The following FNDC3B variants were observed in gnomAD, a reference collection of about 807,000 sequenced individuals.
FNDC3B encodes fibronectin type III domain containing 3B.
A neutral mutation model predicts 151.5 loss-of-function variants in FNDC3B; 12 were observed. That is an observed-to-expected ratio of 0.08 (90% CI 0.05 to 0.13). The LOEUF (loss-of-function observed/expected upper bound fraction) is 0.13. Ranked by LOEUF, FNDC3B falls within the 10% of genes least tolerant of loss-of-function variation. The pLI, the probability that FNDC3B is intolerant of heterozygous loss-of-function variation, is 1.00. For missense variants in FNDC3B, 1,214 were observed against 1,505.3 expected (o/e 0.81, Z 3.20); for synonymous variants, 528 against 549.0 (o/e 0.96, Z 0.54).
chr3:172,196,329 C>A (rs1036762703), intron 3 of FNDC3B, among the ~76,000 whole-genome samples: 1 of 151,908 alleles, frequency 6.6e-6, no homozygotes, highest in Non-Finnish European at 1.5e-5. Context: ...CCTGAGACTA[C>A]AGGTGCCTAC....
chr3:172,084,470 T>TACACACAC (rs774135456), intron 1 of FNDC3B, among the ~76,000 whole-genome samples: 785 of 46,586 alleles, frequency 0.017, 6 homozygotes, highest in Non-Finnish European at 0.025. Context: ...TATGTATATG[T>TACACACAC]ATACACACAC....
At chr3:172,058,848 A>G (rs1444020540) in intron 1 of FNDC3B, among the ~76,000 whole-genome samples, 1 of 152,210 alleles carries the variant, frequency 6.6e-6, no homozygotes, top group Non-Finnish European at 1.5e-5. Flanking sequence ...GACTGTACAT[A>G]TAGAGCTTCT....
At chr3:172,276,291 A>G (rs1213691520) in intron 6 of FNDC3B, among the ~76,000 whole-genome samples, 2 of 152,202 alleles carry the variant, frequency 1.3e-5, no homozygotes, top group Non-Finnish European at 2.9e-5. Flanking sequence ...GTCACAAGGA[A>G]GTGGACAAAG....
chr3:172,328,599 C>T (rs1732472974), intron 11 of FNDC3B, among the ~76,000 whole-genome samples: 1 of 152,088 alleles, frequency 6.6e-6, no homozygotes, highest in Admixed American at 6.5e-5. Context: ...GCAGTTTGGG[C>T]CAATCTAAGT....
chr3:172,047,967 G>C (rs140803268), intron 1 of FNDC3B, among the ~76,000 whole-genome samples: 3 of 152,232 alleles, frequency 2.0e-5, no homozygotes, highest in African/African-American at 7.2e-5. Context: ...GCAAGATTGT[G>C]GAGAGTCCTG....
chr3:172,308,166 A>G (rs1006224187), intron 10 of FNDC3B, among the ~76,000 whole-genome samples: 7 of 152,228 alleles, frequency 4.6e-5, no homozygotes, highest in Admixed American at 1.3e-4. Context: ...TACTTAGGCC[A>G]TACACCAGTC....
chr3:172,323,973 A>T (rs568569799), intron 11 of FNDC3B, among the ~76,000 whole-genome samples: 23 of 152,256 alleles, frequency 1.5e-4, no homozygotes, highest in African/African-American at 5.5e-4. Context: ...TTCCTTTAGT[A>T]TGTGAATCTT....
At chr3:172,127,453 C>T (rs936410363) in intron 2 of FNDC3B, among the ~76,000 whole-genome samples, 1 of 152,124 alleles carries the variant, frequency 6.6e-6, no homozygotes, top group Non-Finnish European at 1.5e-5. Context: ...GGAAAAGTTG[C>T]TTGTCTTCTT....
chr3:172,207,855 G>A (rs1035524095), intron 3 of FNDC3B, among the ~76,000 whole-genome samples: 1 of 152,206 alleles, frequency 6.6e-6, no homozygotes, highest in Non-Finnish European at 1.5e-5. Flanking sequence ...GCTGAGGCAG[G>A]AGAATCACTT....
intron 6 of FNDC3B, among the ~76,000 whole-genome samples, chr3:172,277,484 C>T (rs1729491889): frequency 6.6e-6 from 1 of 152,114 alleles, no homozygotes; most frequent in Non-Finnish European, 1.5e-5. Context: ...AGGGCTTTAT[C>T]CTCATGACCT....
In FNDC3B at chr3:172,347,219, A is replaced by G. The variant is rs760666443; in HGVS notation, c.2372A>G (p.Asp791Gly). 1.1e-5 allele frequency: 17 copies of G among 1,612,882 alleles called. No homozygotes were observed. The highest frequency in any genetic ancestry group is 1.2e-5 in the Non-Finnish European group (14 of 1,179,380). The change falls in exon 21 of 26, where the codon GAT becomes GGT. Residue 791 changes from aspartate to glycine, a missense_variant. Physicochemically the swap from Asp to Gly is moderately conservative, Grantham distance 94. Coordinates refer to ENST00000415807, the MANE Select transcript of FNDC3B (RefSeq NM_022763.4). ...CCATTTCTGCCTTTCCAGAGTCCTG[A>G]TAGTTCTGGTGCTGACATCTCAGAG... ...GCVLVGWESPDSSGADISEYR... is the reference protein window; with the variant it reads ...GCVLVGWESPGSSGADISEYR...
At chr3:172,131,089 G>C (rs1002519132) in intron 2 of FNDC3B, among the ~76,000 whole-genome samples, 8 of 152,080 alleles carry the variant, frequency 5.3e-5, no homozygotes, top group African/African-American at 1.9e-4. Context: ...GACTTTAAAA[G>C]CTCCTTTTCA....
At chr3:172,264,722 A>C (rs1728828942) in intron 6 of FNDC3B, among the ~76,000 whole-genome samples, 1 of 152,226 alleles carries the variant, frequency 6.6e-6, no homozygotes, top group Non-Finnish European at 1.5e-5. Flanking sequence ...ATACATGAGA[A>C]GGATGTTTTT....
chr3:172,128,348 C>T (rs1208371296), intron 2 of FNDC3B, among the ~76,000 whole-genome samples: 1 of 152,184 alleles, frequency 6.6e-6, no homozygotes, highest in Non-Finnish European at 1.5e-5. Flanking sequence ...GTTATTACCA[C>T]AAAGATAAAT....
At chr3:172,116,660 G>A (rs1250644918) in intron 2 of FNDC3B, among the ~76,000 whole-genome samples, 1 of 152,092 alleles carries the variant, frequency 6.6e-6, no homozygotes, top group East Asian at 1.9e-4. Flanking sequence ...CCACCTTCCG[G>A]GTTCAAGCAA....
intron 3 of FNDC3B, among the ~76,000 whole-genome samples, chr3:172,142,356 G>A (rs977833112): frequency 1.3e-5 from 2 of 152,114 alleles, no homozygotes; most frequent in African/African-American, 4.8e-5. Context: ...TTATGCAATC[G>A]CAGTTTAACT....
chr3:172,322,828 C>G (rs541441763), intron 11 of FNDC3B, among the ~76,000 whole-genome samples: 1 of 151,902 alleles, frequency 6.6e-6, no homozygotes, highest in Non-Finnish European at 1.5e-5. Flanking sequence ...TGAGACATGC[C>G]TCAGTGGCTC....
At chr3:172,315,737 T>G (rs989244582) in intron 11 of FNDC3B, among the ~76,000 whole-genome samples, 1 of 152,216 alleles carries the variant, frequency 6.6e-6, no homozygotes, top group Non-Finnish European at 1.5e-5. Flanking sequence ...CTTGTCATTC[T>G]GATGGGTAGC....
At chr3:172,202,599 G>A (rs1022089280) in intron 3 of FNDC3B, among the ~76,000 whole-genome samples, 2 of 152,132 alleles carry the variant, frequency 1.3e-5, no homozygotes, top group East Asian at 1.9e-4. Flanking sequence ...TTCTCCAAAC[G>A]GAACAGTGTA....
Sources: allele counts gnomAD v4.1 joint callset (sites outside exome capture counted in the v4.1 genomes callset), GRCh38; gene constraint gnomAD v4.1.1; transcripts MANE v1.5; gene names NCBI Gene and HGNC (gene_info 2026-07-23, HGNC 2026-07-21).